The following KCNS3 variants were observed in gnomAD, a reference collection of about 807,000 sequenced individuals.
KCNS3 encodes the protein delayed-rectifier potassium channel regulatory subunit KCNS3.
KCNS3 carries 13 observed loss-of-function variants against 31.0 expected under a neutral mutation model. The observed-to-expected ratio is 0.42, with a 90% CI of 0.27 to 0.67. KCNS3 has a LOEUF of 0.67. Ranked by LOEUF, KCNS3 falls within the 30% of genes least tolerant of loss-of-function variation. KCNS3 has a pLI of 0.25. For missense variants in KCNS3, 545 were observed against 622.4 expected (o/e 0.88, Z 1.32); for synonymous variants, 238 against 241.5 (o/e 0.99, Z 0.13).
At chr2:17,912,185 A>G (rs1470789221) in intron 1 of KCNS3, among the ~76,000 whole-genome samples, 1 of 152,240 alleles carries the variant, frequency 6.6e-6, no homozygotes, top group Non-Finnish European at 1.5e-5. Flanking sequence ...TTCAGGACAC[A>G]TGCCAAAATG....
chr2:17,887,061 AC>A (rs1379596087), intron 1 of KCNS3, among the ~76,000 whole-genome samples: 1 of 152,136 alleles, frequency 6.6e-6, no homozygotes, highest in Non-Finnish European at 1.5e-5. Flanking sequence ...AAAGCAGCAC[AC>A]GTTGCTTTCT....
At chr2:17,887,956 G>C (rs1184436791) in intron 1 of KCNS3, among the ~76,000 whole-genome samples, 1 of 151,924 alleles carries the variant, frequency 6.6e-6, no homozygotes, top group Non-Finnish European at 1.5e-5. Flanking sequence ...ATGTTTGTTG[G>C]CCATTTGTAT....
chr2:17,903,432 T>G (rs185619559), intron 1 of KCNS3, among the ~76,000 whole-genome samples: 88 of 152,214 alleles, frequency 5.8e-4, no homozygotes, highest in Non-Finnish European at 1.2e-3. Flanking sequence ...GGTTGAAGTT[T>G]TAGGGGGTTA....
intron 1 of KCNS3, among the ~76,000 whole-genome samples, chr2:17,914,342 A>C (rs573691525): frequency 6.6e-6 from 1 of 152,352 alleles, no homozygotes; most frequent in Admixed American, 6.5e-5. Context: ...GCCTGGAGTC[A>C]GAACAAAGGG....
Position 17,895,034 on chromosome 2 carries a change from A to G in KCNS3, c.-252+16228A>G, listed in dbSNP as rs551804480. On this transcript the variant is annotated intron_variant, in intron 1 of 2. Coordinates refer to ENST00000304101, the MANE Select transcript of KCNS3 (RefSeq NM_002252.5). ...TAATTTTTTTATATTGATGAAGTGT[A>G]GGATTAGTTATAATTGATAGTTCTG... is the stretch of plus-strand genomic sequence containing the variant. 3.9e-5 allele frequency among the ~76,000 whole-genome samples: 6 copies of G among 152,286 alleles called. No homozygotes were observed. The East Asian group carries it at 9.6e-4, about 24-fold the overall frequency.
At chr2:17,886,382 A>T (rs773623744) in intron 1 of KCNS3, among the ~76,000 whole-genome samples, 2 of 152,100 alleles carry the variant, frequency 1.3e-5, no homozygotes, top group Admixed American at 6.6e-5. Context: ...TTGAGTGGAG[A>T]TGTTGTAGCA....
rs35579067 is a variant in KCNS3, at chr2:17,931,071, G to T, written c.63G>T (p.Val21=). 2 of 1,614,048 alleles carry T rather than the reference G, an allele frequency of 1.2e-6. No individual in the cohort carries two copies. Among genetic ancestry groups the T allele is most frequent in the African/African-American group, 1.3e-5 (1 of 74,994 alleles). ...GQDEELVNLN[V]GGFKQSVDQS... The stretch of plus-strand genomic sequence containing the variant: ...ACGAGGAACTTGTCAACCTGAATGT[G>T]GGGGGCTTTAAGCAGTCTGTTGACC... The change falls in exon 3 of 3, where the codon GTG becomes GTT. Residue 21 remains valine (V), a synonymous_variant. Coordinates refer to ENST00000304101, the MANE Select transcript of KCNS3 (RefSeq NM_002252.5). This position sits in a 1 kb window ranked among gnomAD's most constrained non-coding sequence, Gnocchi z 5.4.
chr2:17,920,610 A>G (rs1166960768), intron 2 of KCNS3, among the ~76,000 whole-genome samples: 1 of 152,222 alleles, frequency 6.6e-6, no homozygotes, highest in African/African-American at 2.4e-5. Context: ...CAAGAGGGAC[A>G]AGGTGGTCAA....
chr2:17,884,264 AAAAAATATATATATATATATATATAT>A (rs1203492586), intron 1 of KCNS3, among the ~76,000 whole-genome samples: 1 of 48,066 alleles, frequency 2.1e-5, no homozygotes, highest in Admixed American at 2.3e-4. Context: ...ATTAAAAAAA[AAAAAATATATATATATATATATATAT>A]ATATATATAT....
intron 1 of KCNS3, among the ~76,000 whole-genome samples, chr2:17,908,920 A>C (rs991472949): frequency 2.0e-5 from 3 of 152,188 alleles, no homozygotes; most frequent in African/African-American, 7.2e-5. Context: ...GACTCACTTG[A>C]GGAGGCAGTC....
intron 1 of KCNS3, among the ~76,000 whole-genome samples, chr2:17,893,762 T>C (rs1824600): frequency 0.33 from 49,790 of 151,804 alleles, 8,829 homozygotes; most frequent in East Asian, 0.57. Flanking sequence ...ACTCACAGTA[T>C]TTGTGGGTCT....
At chr2:17,878,306 A>G (rs1447857192), upstream of KCNS3, among the ~76,000 whole-genome samples, 1 of 152,124 alleles carries the variant, frequency 6.6e-6, no homozygotes, top group East Asian at 2.0e-4. Flanking sequence ...CCGCAGGGCC[A>G]CGGCGCTTCC....
chr2:17,884,936 T>G (rs1217590322), intron 1 of KCNS3, among the ~76,000 whole-genome samples: 4 of 150,836 alleles, frequency 2.7e-5, no homozygotes, highest in South Asian at 2.1e-4. Context: ...CCTGTTGTTT[T>G]TTTTTTTTTT....
intron 1 of KCNS3, among the ~76,000 whole-genome samples, chr2:17,899,628 C>T (rs1165266252): frequency 6.6e-6 from 1 of 152,098 alleles, no homozygotes; most frequent in East Asian, 1.9e-4. Flanking sequence ...CAGAGTGGGA[C>T]TAATAATAGT....
intron 1 of KCNS3, among the ~76,000 whole-genome samples, chr2:17,880,671 G>A (rs1274611395): frequency 3.9e-5 from 6 of 152,156 alleles, no homozygotes; most frequent in African/African-American, 1.4e-4. Flanking sequence ...AGTGTATGAG[G>A]GCAAATTGGG....
At chr2:17,891,179 C>T (rs970095239) in intron 1 of KCNS3, among the ~76,000 whole-genome samples, 2 of 152,104 alleles carry the variant, frequency 1.3e-5, no homozygotes, top group African/African-American at 2.4e-5. Flanking sequence ...CTCTTTGTCT[C>T]TTTTAACTGC....
At chr2:17,914,014 C>A (rs1402928964) in intron 1 of KCNS3, among the ~76,000 whole-genome samples, 1 of 152,192 alleles carries the variant, frequency 6.6e-6, no homozygotes, top group African/African-American at 2.4e-5. Context: ...GATAAGCTAG[C>A]TGCTGCCAGG....
upstream of KCNS3, chr2:17,877,888 C>A (rs1674542161): frequency 6.6e-6 from 1 of 152,266 alleles, no homozygotes; most frequent in Non-Finnish European, 1.5e-5. Flanking sequence ...CACACGCTGT[C>A]CTCGCCGAGG....
intron 1 of KCNS3, among the ~76,000 whole-genome samples, chr2:17,905,495 A>G (rs1053175851): frequency 1.3e-5 from 2 of 152,226 alleles, no homozygotes; most frequent in East Asian, 3.9e-4. Flanking sequence ...TTCCAACACT[A>G]TGTTGAATAG....
Sources: allele counts gnomAD v4.1 joint callset (sites outside exome capture counted in the v4.1 genomes callset), GRCh38; gene constraint gnomAD v4.1.1; non-coding constraint Gnocchi (gnomAD v3.1); transcripts MANE v1.5; gene names NCBI Gene and HGNC (gene_info 2026-07-23, HGNC 2026-07-21).